The following TMEM232 variants were observed in gnomAD, a reference collection of about 807,000 sequenced individuals.
The protein encoded by TMEM232 is transmembrane protein 232.
Under a neutral mutation model 78.8 loss-of-function variants are expected in TMEM232, and 80 were observed. The ratio of observed to expected loss-of-function variants is 1.01; its 90% CI spans 0.85 to 1.22. TMEM232 has a LOEUF of 1.22. Among genes scored for constraint, TMEM232 ranks in the 50% most tolerant of loss-of-function variants. The pLI, the probability that TMEM232 is intolerant of heterozygous loss-of-function variation, is 0.00. For synonymous variants in TMEM232, 297 were observed against 254.3 expected, an observed-to-expected ratio of 1.17 and a Z score of -1.60; for missense variants, 881 against 742.2, an observed-to-expected ratio of 1.19 and a Z score of -2.17.
Position 110,546,076 on chromosome 5 carries a change from G to T in TMEM232, c.1456-17241C>A, listed in dbSNP as rs73783636. Among the ~76,000 whole-genome samples the T allele has an allele frequency of 7.4e-3, 1,124 of 152,102 alleles. 11 individuals carry two copies. Among genetic ancestry groups the T allele is most frequent in the African/African-American group, 0.026 (1,084 of 41,526 alleles). On this transcript the variant is annotated intron_variant, in intron 11 of 13. Coordinates refer to ENST00000455884, the MANE Select transcript of TMEM232 (RefSeq NM_001039763.4). ...GTCACATGAAGGGCTCATATTTCAG[G>T]ATCTATTCACAATTGTTTTTCATTT... is the stretch of plus-strand genomic sequence containing the variant.
At chr5:110,412,313 A>G (rs1202333543) in intron 2 of TMEM232, among the ~76,000 whole-genome samples, 3 of 152,232 alleles carry the variant, frequency 2.0e-5, no homozygotes, top group Non-Finnish European at 4.4e-5. Context: ...CCTTGAAAAT[A>G]TCATAAAGGA....
At chr5:110,403,870 T>G (rs996851384) in intron 2 of TMEM232, among the ~76,000 whole-genome samples, 1 of 151,774 alleles carries the variant, frequency 6.6e-6, no homozygotes, top group Non-Finnish European at 1.5e-5. Flanking sequence ...GGTGTGGAAA[T>G]GAAGAAATGT....
At chr5:110,575,025 T>G (rs1777412020) in intron 10 of TMEM232, among the ~76,000 whole-genome samples, 1 of 151,992 alleles carries the variant, frequency 6.6e-6, no homozygotes, top group African/African-American at 2.4e-5. Context: ...TCATGAGGAC[T>G]CTTGAACTTC....
At chr5:110,466,611 G>A in intron 12 of TMEM232, among the ~76,000 whole-genome samples, 1 of 144,024 alleles carries the variant, frequency 6.9e-6, no homozygotes, top group East Asian at 2.2e-4. Context: ...CATAGGACAA[G>A]CATAGTTTTT....
chr5:110,593,528 T>C (rs1779783709), intron 10 of TMEM232, among the ~76,000 whole-genome samples: 1 of 152,116 alleles, frequency 6.6e-6, no homozygotes, highest in Non-Finnish European at 1.5e-5. Context: ...ACCACATATA[T>C]GGAACTAGAG....
chr5:110,443,028 A>C (rs1490231010), intron 12 of TMEM232, among the ~76,000 whole-genome samples: 1 of 152,110 alleles, frequency 6.6e-6, no homozygotes, highest in Non-Finnish European at 1.5e-5. Flanking sequence ...TGCTGGGTCA[A>C]CCTGATGTCA....
intron 12 of TMEM232, among the ~76,000 whole-genome samples, chr5:110,483,923 C>T (rs1433823977): frequency 1.3e-5 from 2 of 152,010 alleles, no homozygotes; most frequent in Non-Finnish European, 2.9e-5. Context: ...TGTTCATTAA[C>T]GATGGATTCA....
At chr5:110,419,137 G>T (rs768708841), downstream of TMEM232, among the ~76,000 whole-genome samples, 3 of 151,222 alleles carry the variant, frequency 2.0e-5, no homozygotes, top group Non-Finnish European at 4.4e-5. Flanking sequence ...GAGAAGATTT[G>T]GAGAAAAGGG....
chr5:110,615,644 A>C (rs1288013187), intron 8 of TMEM232, among the ~76,000 whole-genome samples: 5 of 152,008 alleles, frequency 3.3e-5, no homozygotes, highest in Non-Finnish European at 7.4e-5. Context: ...GCAATTAGGC[A>C]AGAAAAAGAA....
At chr5:110,460,146 T>C (rs753461113) in intron 12 of TMEM232, among the ~76,000 whole-genome samples, 10 of 152,162 alleles carry the variant, frequency 6.6e-5, no homozygotes, top group Non-Finnish European at 1.2e-4. Flanking sequence ...TAAGATAGCA[T>C]TATATCAATT....
At chr5:110,466,618 T>C (rs2149365136) in intron 12 of TMEM232, among the ~76,000 whole-genome samples, 1 of 147,556 alleles carries the variant, frequency 6.8e-6, no homozygotes, top group African/African-American at 2.4e-5. Context: ...CAAGCATAGT[T>C]TTTTTTTTTT....
intron 10 of TMEM232, among the ~76,000 whole-genome samples, chr5:110,595,557 T>C (rs138737754): frequency 0.034 from 5,208 of 152,206 alleles, 127 homozygotes; most frequent in African/African-American, 0.064. Flanking sequence ...CTAACTAGAA[T>C]ATCCAGTTTA....
intron 10 of TMEM232, among the ~76,000 whole-genome samples, chr5:110,599,839 T>C (rs1213174848): frequency 6.6e-6 from 1 of 152,012 alleles, no homozygotes; most frequent in Non-Finnish European, 1.5e-5. Context: ...TACAAAACTC[T>C]CCACCACAAA....
intron 2 of TMEM232, among the ~76,000 whole-genome samples, chr5:110,653,077 A>G (rs1449464797): frequency 6.6e-6 from 1 of 152,224 alleles, no homozygotes; most frequent in Non-Finnish European, 1.5e-5. Context: ...AGCCTCCTAC[A>G]TACAAAATAT....
chr5:110,726,449 A>T (rs1280489165), intron 1 of TMEM232, among the ~76,000 whole-genome samples, 178 bp downstream of exon 1: 1 of 152,176 alleles, frequency 6.6e-6, no homozygotes, highest in African/African-American at 2.4e-5. Flanking sequence ...CCCAGATAGC[A>T]GGCCCAGCCT....
chr5:110,591,196 G>A (rs750284919), intron 10 of TMEM232, among the ~76,000 whole-genome samples: 6 of 152,106 alleles, frequency 3.9e-5, no homozygotes, highest in East Asian at 3.9e-4. Context: ...GGTGTCTCAC[G>A]CCTACAATCT....
chr5:110,600,855 C>CA (rs1447802024), intron 10 of TMEM232, among the ~76,000 whole-genome samples: 1 of 151,788 alleles, frequency 6.6e-6, no homozygotes, highest in African/African-American at 2.4e-5. Flanking sequence ...AGAGACACAA[C>CA]AAAAAAAGGT....
At position 110,731,772 on chromosome 5, in the gene TMEM232, A is replaced by C. The variant is rs1188275842; in HGVS notation, c.-13+3131T>G. Among the ~76,000 whole-genome samples the C allele has an allele frequency of 3.3e-5, 5 of 152,208 alleles. No individual in the cohort carries two copies. The East Asian group carries it at 7.7e-4, about 23-fold the overall frequency. On this transcript the variant is annotated intron_variant, in intron 2 of 4. Coordinates refer to the TMEM232 transcript ENST00000512886. ...AGGCCTGTGATGGAAGGATGCCATG[A>C]AAGTCTCCAACATGGCCTGGAGACA...
chr5:110,703,437 A>G (rs1211526406), intron 1 of TMEM232, among the ~76,000 whole-genome samples: 11 of 152,094 alleles, frequency 7.2e-5, no homozygotes, highest in Non-Finnish European at 1.5e-4. Flanking sequence ...CATAGCTTAT[A>G]AGGTTTATGC....
Sources: gnomAD v4.1 joint callset for allele counts (sites outside exome capture counted in the v4.1 genomes callset) on GRCh38, gnomAD v4.1.1 for gene constraint, MANE v1.5 for transcripts, NCBI Gene and HGNC (gene_info 2026-07-23, HGNC 2026-07-21) for gene names.